TRIQK: variants seen among roughly 807,000 people sequenced by gnomAD.
TRIQK encodes the protein triple QxxK/R motif-containing protein.
A neutral mutation model predicts 10.8 loss-of-function variants in TRIQK; 10 were observed. The observed-to-expected ratio is 0.92, with a 90% CI of 0.57 to 1.57. The LOEUF is 1.57. Among genes scored for constraint, TRIQK ranks in the 40% most tolerant of loss-of-function variants. TRIQK has a pLI of 0.00. For synonymous variants in TRIQK, 33 were observed against 33.7 expected (o/e 0.98, Z 0.07); for missense variants, 107 against 97.7 (o/e 1.09, Z -0.40).
At chr8:92,967,625 C>T (rs562544892), upstream of TRIQK, among the ~76,000 whole-genome samples, 2 of 151,786 alleles carry the variant, frequency 1.3e-5, no homozygotes, top group African/African-American at 2.4e-5. Context: ...AGTTCCAGAC[C>T]AGCCTGGCCA....
chr8:92,946,479 T>C (rs986361623), intron 2 of TRIQK, among the ~76,000 whole-genome samples: 5 of 152,074 alleles, frequency 3.3e-5, no homozygotes, highest in African/African-American at 9.7e-5. Context: ...ACATTCCCTT[T>C]CAAATAAGGC....
At chr8:93,015,525 G>GAC (rs1170072560) in intron 1 of TRIQK, among the ~76,000 whole-genome samples, 1 of 147,690 alleles carries the variant, frequency 6.8e-6, no homozygotes, top group South Asian at 2.1e-4. Flanking sequence ...AACTAGGAAT[G>GAC]ACACACACAC....
At chr8:93,011,460 G>A (rs572805391) in intron 1 of TRIQK, among the ~76,000 whole-genome samples, 1 of 152,112 alleles carries the variant, frequency 6.6e-6, no homozygotes, top group South Asian at 2.1e-4. Flanking sequence ...ATTGGTGGTG[G>A]TTATAGGTAG....
intron 3 of TRIQK, among the ~76,000 whole-genome samples, chr8:92,901,790 T>A (rs1382221946): frequency 6.6e-6 from 1 of 152,164 alleles, no homozygotes; most frequent in Non-Finnish European, 1.5e-5. Flanking sequence ...CTTTCTCCCC[T>A]ATTTTTTGAA....
At chr8:92,896,971 C>G (rs963036469) in intron 3 of TRIQK, among the ~76,000 whole-genome samples, 1 of 152,004 alleles carries the variant, frequency 6.6e-6, no homozygotes, top group Non-Finnish European at 1.5e-5. Context: ...CATGCACCAC[C>G]ACGCCTGGCT....
At position 92,956,048 on chromosome 8, in the gene TRIQK, A is replaced by G. The variant is rs565395653; in HGVS notation, c.-180-1484T>C. ...GAGTTACCACGTGACCAGCAATTTT[A>G]GTCTTAGGTATATATCCAAGAAAAA... On this transcript the variant is annotated intron_variant, in intron 1 of 4. Transcript: ENST00000521988. Among the ~76,000 whole-genome samples the G allele has an allele frequency of 1.3e-4, 19 of 151,966 alleles. No homozygotes were observed. In the East Asian group the frequency reaches 3.7e-3, roughly 29 times the overall value.
chr8:93,014,817 C>A (rs1250545575), intron 1 of TRIQK, among the ~76,000 whole-genome samples: 1 of 151,934 alleles, frequency 6.6e-6, no homozygotes. Flanking sequence ...TTTATTATTG[C>A]CCAGAGCAAT....
At chr8:92,971,006 C>T (rs1174964121), upstream of TRIQK, among the ~76,000 whole-genome samples, 3 of 152,062 alleles carry the variant, frequency 2.0e-5, no homozygotes, top group Non-Finnish European at 4.4e-5. Flanking sequence ...TTTCAGTTTT[C>T]TACATATGGC....
intron 3 of TRIQK, among the ~76,000 whole-genome samples, chr8:92,898,587 T>G (rs1442451527): frequency 6.6e-6 from 1 of 151,952 alleles, no homozygotes; most frequent in Non-Finnish European, 1.5e-5. Context: ...ACTCAAGAAG[T>G]ACTTCTCCTC....
chr8:92,950,434 C>T (rs575162033), intron 2 of TRIQK, among the ~76,000 whole-genome samples: 3 of 152,236 alleles, frequency 2.0e-5, no homozygotes, highest in South Asian at 4.1e-4. Flanking sequence ...AATCTCTAAT[C>T]GTTGTAGGAA....
At chr8:92,902,909 T>A (rs1264622558) in intron 3 of TRIQK, among the ~76,000 whole-genome samples, 1 of 151,996 alleles carries the variant, frequency 6.6e-6, no homozygotes, top group African/African-American at 2.4e-5. Flanking sequence ...TGATTTTGAC[T>A]CTAGATTAAT....
intron 2 of TRIQK, among the ~76,000 whole-genome samples, chr8:92,923,722 A>G (rs1042483393): frequency 6.6e-6 from 1 of 151,924 alleles, no homozygotes; most frequent in African/African-American, 2.4e-5. Flanking sequence ...TTTTAAGATT[A>G]AACATAGCAT....
chr8:92,995,839 G>A (rs1813147422), intron 1 of TRIQK, among the ~76,000 whole-genome samples: 1 of 151,934 alleles, frequency 6.6e-6, no homozygotes, highest in Non-Finnish European at 1.5e-5. Flanking sequence ...CATTCCTTTA[G>A]CATTATCAAT....
chr8:92,894,629 G>A (rs888532250), intron 3 of TRIQK, among the ~76,000 whole-genome samples: 1 of 151,966 alleles, frequency 6.6e-6, no homozygotes, highest in Admixed American at 6.6e-5. Flanking sequence ...GCCAATCTGG[G>A]GCCTCAATCA....
intron 2 of TRIQK, among the ~76,000 whole-genome samples, chr8:92,937,563 G>A (rs1207483616): frequency 7.1e-6 from 1 of 140,598 alleles, no homozygotes; most frequent in African/African-American, 2.7e-5. Flanking sequence ...TGTCCCATCT[G>A]CTGTTACCTC....
chr8:92,917,265 C>A (rs1001720582), intron 2 of TRIQK, among the ~76,000 whole-genome samples: 14 of 151,834 alleles, frequency 9.2e-5, no homozygotes, highest in African/African-American at 3.1e-4. Flanking sequence ...TTCCATTAAA[C>A]CATATTGTTA....
chr8:92,994,091 A>G (rs543889337), intron 1 of TRIQK, among the ~76,000 whole-genome samples: 2 of 152,186 alleles, frequency 1.3e-5, no homozygotes, highest in Non-Finnish European at 2.9e-5. Flanking sequence ...ATTTTTGTAC[A>G]CTAACTCTGT....
At chr8:92,959,999 T>C (rs1812370666) in intron 1 of TRIQK, among the ~76,000 whole-genome samples, 1 of 152,184 alleles carries the variant, frequency 6.6e-6, no homozygotes, top group South Asian at 2.1e-4. Context: ...TTTCTTGATA[T>C]GGAAAACATT....
intron 3 of TRIQK, among the ~76,000 whole-genome samples, chr8:92,897,957 G>C (rs1439286360): frequency 1.3e-5 from 2 of 151,898 alleles, no homozygotes; most frequent in African/African-American, 4.8e-5. Flanking sequence ...TCTTTAATGG[G>C]CATGATATAG....
Sources: allele counts gnomAD v4.1 joint callset (sites outside exome capture counted in the v4.1 genomes callset), GRCh38; gene constraint gnomAD v4.1.1; transcripts MANE v1.5; gene names NCBI Gene and HGNC (gene_info 2026-07-23, HGNC 2026-07-21).